Variants in FRMPD2 observed in about 807,000 individuals in gnomAD.
FRMPD2 encodes FERM and PDZ domain containing 2.
In FRMPD2, 96 loss-of-function variants were observed where a neutral mutation model predicts 140.1. That is an observed-to-expected ratio of 0.69 (90% CI 0.58 to 0.81). The LOEUF (loss-of-function observed/expected upper bound fraction) is 0.81. FRMPD2 is among the 40% of genes least tolerant of loss of function. The probability of loss-of-function intolerance (pLI) is 0.00; values close to 1 mark genes in which losing one functional copy is unlikely to be tolerated. For missense variants in FRMPD2, 1,240 were observed against 1,447.4 expected (o/e 0.86, Z 2.32); for synonymous variants, 449 against 547.6 (o/e 0.82, Z 2.52).
At chr10:48,188,065 G>A (rs1318718497) in intron 16 of FRMPD2, among the ~76,000 whole-genome samples, 2 of 152,140 alleles carry the variant, frequency 1.3e-5, no homozygotes, top group African/African-American at 4.8e-5. Flanking sequence ...TAAAGCTGTG[G>A]GTCTCAGAGC....
intron 16 of FRMPD2, among the ~76,000 whole-genome samples, chr10:48,190,934 T>C (rs1480284277): frequency 6.6e-6 from 1 of 152,210 alleles, no homozygotes; most frequent in Non-Finnish European, 1.5e-5. Context: ...TTCTGCCTTT[T>C]AAACAATGAA....
At chr10:48,259,632 G>A (rs1364675338) in intron 1 of FRMPD2, among the ~76,000 whole-genome samples, 1 of 138,170 alleles carries the variant, frequency 7.2e-6, no homozygotes, top group Non-Finnish European at 1.5e-5. Flanking sequence ...ATGTGTGTGT[G>A]TAAGTGTGTG....
chr10:48,201,262 C>T lies in FRMPD2; in HGVS notation c.1920G>A (p.Gln640=). 2 of 1,612,916 alleles carry T rather than the reference C, an allele frequency of 1.2e-6. No individual in the cohort carries two copies. Among genetic ancestry groups the T allele is most frequent in the Middle Eastern group, 3.3e-4 (2 of 6,050 alleles). Residue 640 remains glutamine (Q), a synonymous_variant, in exon 15 of 29, where the codon CAG becomes CAA. Transcript: ENST00000374201. ...LCSAQHGFNA[Q]MGSGQPSHVL... The stretch of plus-strand genomic sequence containing the variant: ...CATGGGAAGGCTGCCCAGAGCCCAT[C>T]TGTGCATTAAACCCATGCTGGGCTG...
intron 15 of FRMPD2, among the ~76,000 whole-genome samples, chr10:48,195,852 C>T (rs1156563323): frequency 6.6e-6 from 1 of 152,234 alleles, no homozygotes; most frequent in Non-Finnish European, 1.5e-5. Flanking sequence ...TGTGCTGGAG[C>T]TGCTCTTGTG....
At chr10:48,182,796 A>G (rs1451351870) in intron 20 of FRMPD2, among the ~76,000 whole-genome samples, 1 of 152,254 alleles carries the variant, frequency 6.6e-6, no homozygotes, top group Non-Finnish European at 1.5e-5. Flanking sequence ...TCCTTGGACT[A>G]TGCTGAATTG....
At chr10:48,207,571 G>C (rs1350215194) in intron 13 of FRMPD2, among the ~76,000 whole-genome samples, 2 of 152,166 alleles carry the variant, frequency 1.3e-5, no homozygotes, top group African/African-American at 4.8e-5. Flanking sequence ...GTTGGAGCTG[G>C]GGACTGCGTT....
rs139237521 is a variant in FRMPD2 at position 48,218,418 on chromosome 10, G to A, written c.1455+3895C>T. On this transcript the variant is annotated intron_variant, in intron 12 of 28. Transcript: ENST00000374201. Reference sequence around the variant, plus strand: ...CTAAGTGCCCACTGGTGGTGGACATGTATTTCTGGCCACATGTGACTATTC... The same window carrying A: ...CTAAGTGCCCACTGGTGGTGGACATATATTTCTGGCCACATGTGACTATTC... Among the ~76,000 whole-genome samples the A allele has an allele frequency of 1.8e-3, 272 of 152,326 alleles. 2 individuals carry two copies. The highest frequency in any genetic ancestry group is 3.3e-3 in the Non-Finnish European group (222 of 68,030).
chr10:48,195,843 G>A (rs750774596), intron 15 of FRMPD2, among the ~76,000 whole-genome samples: 1 of 152,214 alleles, frequency 6.6e-6, no homozygotes, highest in Non-Finnish European at 1.5e-5. Context: ...CCTCTGTTCT[G>A]TGCTGGAGCT....
Position 48,187,259 on chromosome 10 carries a change from G to A in FRMPD2, c.2199C>T (p.Ala733=). 1 of 1,613,870 alleles carries A rather than the reference G, an allele frequency of 6.2e-7. No individual in the cohort carries two copies. The highest frequency in any genetic ancestry group is 8.5e-7 in the Non-Finnish European group (1 of 1,179,882). ...AGGTCATTGGCTTCTGGATCACACA[G>A]GCACTCTTCAGCTGCTCCCGGCCAG... is the stretch of plus-strand genomic sequence containing the variant. ...PCTGREQLKS[A]CVIQKPMTWD... is the part of the protein sequence containing the mutation. Residue 733 remains alanine, a synonymous_variant, in exon 17 of 29, where the codon GCC becomes GCT. Transcript: ENST00000374201.
chr10:48,231,330 A>G (rs1345160437), intron 10 of FRMPD2, among the ~76,000 whole-genome samples: 1 of 152,184 alleles, frequency 6.6e-6, no homozygotes, highest in Non-Finnish European at 1.5e-5. Context: ...TTTCCAAACC[A>G]CAGCTTGCTA....
intron 10 of FRMPD2, among the ~76,000 whole-genome samples, chr10:48,228,240 C>T (rs547170271): frequency 6.6e-6 from 1 of 151,696 alleles, no homozygotes; most frequent in Non-Finnish European, 1.5e-5. Context: ...ATTGTTAAAA[C>T]CAAGTGAATT....
rs1469460467 is a variant in FRMPD2 at position 48,243,345 on chromosome 10, G to A, written c.376-993C>T. 3.3e-5 allele frequency among the ~76,000 whole-genome samples: 5 copies of A among 152,252 alleles called. No individual in the cohort carries two copies. The East Asian group carries it at 7.7e-4, about 23-fold the overall frequency. On this transcript the variant is annotated intron_variant, in intron 4 of 28. Transcript: ENST00000374201. ...AACCAAGAGGAAAGTGGGGAGTGAGGTGCTGGTGAAGGGATCCGTGTGTAC... is the reference window on the plus strand; with the variant it reads ...AACCAAGAGGAAAGTGGGGAGTGAGATGCTGGTGAAGGGATCCGTGTGTAC...
chr10:48,174,588 G>A (rs1276796995), intron 24 of FRMPD2, among the ~76,000 whole-genome samples: 22 of 151,208 alleles, frequency 1.5e-4, no homozygotes, highest in African/African-American at 3.2e-4. Context: ...TCTCCATTCC[G>A]CTGTCTGATT....
intron 27 of FRMPD2, among the ~76,000 whole-genome samples, chr10:48,167,798 C>T (rs1838136826): frequency 1.3e-5 from 2 of 152,168 alleles, no homozygotes; most frequent in African/African-American, 4.8e-5. Flanking sequence ...TTTAAATCAG[C>T]AAACTTTGAG....
chr10:48,237,946 G>T (rs765200436), intron 8 of FRMPD2, 45 bp downstream of exon 8: 1 of 1,612,378 alleles, frequency 6.2e-7, no homozygotes, highest in Non-Finnish European at 8.5e-7. Flanking sequence ...ACAGCTCCCT[G>T]CTCAAGCCTC....
intron 4 of FRMPD2, 43 bp downstream of exon 4, chr10:48,244,741 A>C: frequency 4.0e-6 from 6 of 1,485,552 alleles, no homozygotes; most frequent in Non-Finnish European, 5.6e-6. Context: ...AAATAAACCC[A>C]GAGACACAGC....
chr10:48,234,330 T>C (rs57345918), intron 9 of FRMPD2, among the ~76,000 whole-genome samples: 5,780 of 151,942 alleles, frequency 0.038, 300 homozygotes, highest in African/African-American at 0.12. Flanking sequence ...AAAAAGAAAA[T>C]GTTTTATATT....
intron 16 of FRMPD2, among the ~76,000 whole-genome samples, chr10:48,191,073 C>T (rs1248777926): frequency 6.6e-6 from 1 of 152,192 alleles, no homozygotes; most frequent in Non-Finnish European, 1.5e-5. Flanking sequence ...CTATTTTAAC[C>T]AGCAGTATGG....
intron 15 of FRMPD2, among the ~76,000 whole-genome samples, chr10:48,197,651 G>A (rs1472111341): frequency 3.3e-5 from 5 of 152,284 alleles, no homozygotes; most frequent in Admixed American, 6.5e-5. Context: ...CAGGAACCAC[G>A]CTCTGAACAT....
Sources: gnomAD v4.1 joint callset for allele counts (sites outside exome capture counted in the v4.1 genomes callset) on GRCh38, gnomAD v4.1.1 for gene constraint, MANE v1.5 for transcripts, NCBI Gene and HGNC (gene_info 2026-07-23, HGNC 2026-07-21) for gene names.